Variants in CNTNAP2 observed in about 807,000 individuals in gnomAD.
CNTNAP2 encodes contactin-associated protein-like 2.
A neutral mutation model predicts 155.2 loss-of-function variants in CNTNAP2; 98 were observed. The observed-to-expected ratio is 0.63, with a 90% confidence interval of 0.54 to 0.75. The LOEUF is 0.75. CNTNAP2 is among the 30% of genes least tolerant of loss of function. CNTNAP2 has a pLI of 0.00. For missense variants in CNTNAP2, 1,727 were observed against 1,688.1 expected (o/e 1.02, Z -0.40); for synonymous variants, 651 against 631.2 (o/e 1.03, Z -0.47).
At chr7:147,583,111 A>G (rs1800540245) in intron 12 of CNTNAP2, among the ~76,000 whole-genome samples, 1 of 152,070 alleles carries the variant, frequency 6.6e-6, no homozygotes, top group Non-Finnish European at 1.5e-5. Flanking sequence ...TAAGCGAATG[A>G]CCCATTAAAT....
intron 1 of CNTNAP2, among the ~76,000 whole-genome samples, chr7:146,669,961 A>G (rs1028282492): frequency 3.9e-5 from 6 of 152,150 alleles, no homozygotes; most frequent in Admixed American, 2.6e-4. Flanking sequence ...AGAGCAATCA[A>G]ATTTTGTAAT....
intron 3 of CNTNAP2, among the ~76,000 whole-genome samples, chr7:147,028,871 A>G (rs1798972086): frequency 6.6e-6 from 1 of 152,296 alleles, no homozygotes; most frequent in African/African-American, 2.4e-5. Flanking sequence ...ATGACCTTTA[A>G]TAATCCATAG....
At chr7:148,252,044 T>C (rs1796371842) in intron 20 of CNTNAP2, among the ~76,000 whole-genome samples, 1 of 152,236 alleles carries the variant, frequency 6.6e-6, no homozygotes, top group African/African-American at 2.4e-5. Context: ...CTGTCTTCAA[T>C]ACACATTCTC....
At chr7:146,135,667 AT>A (rs1420542914) in intron 1 of CNTNAP2, among the ~76,000 whole-genome samples, 1 of 152,132 alleles carries the variant, frequency 6.6e-6, no homozygotes, top group African/African-American at 2.4e-5. Context: ...TATTGACAAT[AT>A]TTTTACCTAC....
intron 8 of CNTNAP2, among the ~76,000 whole-genome samples, chr7:147,170,901 G>T (rs1802213670): frequency 6.6e-6 from 1 of 152,148 alleles, no homozygotes; most frequent in Non-Finnish European, 1.5e-5. Flanking sequence ...GGGGAAGCTC[G>T]CCCTGCTTTC....
rs532282431 is a variant in CNTNAP2, at chr7:147,928,664, C to T, written c.2255+24943C>T. Among the ~76,000 whole-genome samples, 19 of 152,268 alleles carry T rather than the reference C, an allele frequency of 1.2e-4. No homozygotes were observed. In the South Asian group the frequency reaches 3.9e-3, roughly 32 times the overall value. ...AGGTCGTGTTTCCTGATGTCAGCAA[C>T]ATTCTAAGAGGCGGTCAGTTACTCT... On this transcript the variant is annotated intron_variant, in intron 14 of 23. Coordinates refer to ENST00000361727, the MANE Select transcript of CNTNAP2 (RefSeq NM_014141.6).
intron 1 of CNTNAP2, among the ~76,000 whole-genome samples, chr7:146,237,070 G>T (rs893475778): frequency 6.6e-6 from 1 of 152,132 alleles, no homozygotes; most frequent in Non-Finnish European, 1.5e-5. Flanking sequence ...GCTAAAACAA[G>T]ACAGAGAAAG....
At chr7:146,332,941 A>ATTTTTTTTTT (rs4016094) in intron 1 of CNTNAP2, among the ~76,000 whole-genome samples, 5 of 102,456 alleles carry the variant, frequency 4.9e-5, no homozygotes, top group Non-Finnish European at 7.8e-5. Flanking sequence ...TTCTTCTTCT[A>ATTTTTTTTTT]TTTTTTTTTT....
At chr7:148,296,617 G>C (rs1797291705) in intron 21 of CNTNAP2, among the ~76,000 whole-genome samples, 1 of 150,422 alleles carries the variant, frequency 6.6e-6, no homozygotes, top group Non-Finnish European at 1.5e-5. Flanking sequence ...GTCAGTTAAG[G>C]TGATGTGAGA....
At chr7:146,184,039 C>A (rs1171980932) in intron 1 of CNTNAP2, among the ~76,000 whole-genome samples, 1 of 152,136 alleles carries the variant, frequency 6.6e-6, no homozygotes, top group Non-Finnish European at 1.5e-5. Context: ...TGAAGGCTAC[C>A]TATTTTGTTT....
chr7:147,613,330 G>T (rs146297758), intron 12 of CNTNAP2, among the ~76,000 whole-genome samples: 4 of 152,018 alleles, frequency 2.6e-5, no homozygotes, highest in Non-Finnish European at 4.4e-5. Flanking sequence ...TTTCTTTTGC[G>T]TTATTTCCGT....
Position 148,383,684 on chromosome 7 carries a change from A to G in CNTNAP2, c.3511A>G (p.Asn1171Asp). 2 of 1,614,196 alleles carry G rather than the reference A, an allele frequency of 1.2e-6. No homozygotes were observed. Among genetic ancestry groups the G allele is most frequent in the African/African-American group, 1.3e-5 (1 of 75,038 alleles). Reference protein sequence around the residue: ...GKIDQEIHKYNTPGFTGCLSR... With the variant: ...GKIDQEIHKYDTPGFTGCLSR... ...AATTGACCAAGAGATTCACAAATACAACACCCCAGGATTCACTGGTTGCCT... is the reference window on the plus strand; with the variant it reads ...AATTGACCAAGAGATTCACAAATACGACACCCCAGGATTCACTGGTTGCCT... Residue 1171 changes from asparagine (N) to aspartate (D), a missense_variant, in exon 22 of 24, where the codon AAC becomes GAC. Transcript: ENST00000361727.
At chr7:146,732,072 A>G (rs900747999) in intron 1 of CNTNAP2, among the ~76,000 whole-genome samples, 1 of 152,142 alleles carries the variant, frequency 6.6e-6, no homozygotes. Flanking sequence ...GATACAGTAC[A>G]GTGGCCAAGA....
chr7:147,540,976 T>G (rs983246075), intron 11 of CNTNAP2, among the ~76,000 whole-genome samples: 15 of 152,182 alleles, frequency 9.9e-5, no homozygotes, highest in African/African-American at 3.6e-4. Context: ...TAATGTAATA[T>G]GATGAAGGAG....
chr7:146,784,801 C>T (rs1802546610), intron 2 of CNTNAP2, among the ~76,000 whole-genome samples: 3 of 152,100 alleles, frequency 2.0e-5, no homozygotes, highest in Admixed American at 2.0e-4. Flanking sequence ...TGGACCACAC[C>T]TCCCTCTGTG....
rs374394685 is a variant in CNTNAP2, at chr7:146,749,578, C to T, written c.98-24693C>T. Among the ~76,000 whole-genome samples, 178 of 152,240 alleles carry T rather than the reference C, an allele frequency of 1.2e-3. 5 individuals carry two copies. In the East Asian group the frequency reaches 0.021, roughly 18 times the overall value. On this transcript the variant is annotated intron_variant, in intron 1 of 23. Transcript: ENST00000361727. ...TCTTAGGCAGCCAAAAAATGACTATCCATGCAAATTAAATGTCACTATGTT... is the reference window on the plus strand; with the variant it reads ...TCTTAGGCAGCCAAAAAATGACTATTCATGCAAATTAAATGTCACTATGTT...
intron 1 of CNTNAP2, among the ~76,000 whole-genome samples, chr7:146,648,545 A>G (rs1453800712): frequency 6.6e-6 from 1 of 152,108 alleles, no homozygotes; most frequent in Non-Finnish European, 1.5e-5. Flanking sequence ...TTATCTTATA[A>G]ATGTATGAAG....
intron 1 of CNTNAP2, among the ~76,000 whole-genome samples, chr7:146,611,649 T>G (rs1426730324): frequency 6.6e-6 from 1 of 152,222 alleles, no homozygotes; most frequent in African/African-American, 2.4e-5. Context: ...GTAGACACTT[T>G]AGCAGTAAAA....
intron 21 of CNTNAP2, among the ~76,000 whole-genome samples, chr7:148,355,917 C>T (rs993961799): frequency 4.6e-5 from 7 of 152,174 alleles, no homozygotes; most frequent in Non-Finnish European, 4.4e-5. Context: ...GCCAGCGCTG[C>T]GTATTGGTAG....
Sources: gnomAD v4.1 joint callset for allele counts (sites outside exome capture counted in the v4.1 genomes callset) on GRCh38, gnomAD v4.1.1 for gene constraint, MANE v1.5 for transcripts, NCBI Gene and HGNC (gene_info 2026-07-23, HGNC 2026-07-21) for gene names.